LHX9: variants seen among roughly 807,000 people sequenced by gnomAD.
The protein encoded by LHX9 is LIM homeobox 9.
Under a neutral mutation model 36.5 loss-of-function variants are expected in LHX9, and 9 were observed. That is an observed-to-expected ratio of 0.25 (90% CI 0.15 to 0.43). The LOEUF is 0.43. Among genes scored for constraint, LHX9 ranks in the 20% least tolerant of loss-of-function variants. The pLI is 1.00. For synonymous variants in LHX9, 211 were observed against 212.1 expected, an observed-to-expected ratio of 0.99 and a Z score of 0.04; for missense variants, 464 against 526.4, an observed-to-expected ratio of 0.88 and a Z score of 1.16.
upstream of LHX9, chr1:197,917,248 G>A: frequency 1.6e-6 from 2 of 1,214,816 alleles, no homozygotes. Flanking sequence ...AGAGGAGTAT[G>A]ACAGGTCTTT....
chr1:197,927,890 A>G (rs1368304440), intron 4 of LHX9, 97 bp downstream of exon 4: 2 of 1,115,884 alleles, frequency 1.8e-6, no homozygotes, highest in South Asian at 1.4e-5. Context: ...GATATTTCCT[A>G]TATTGCTTCT....
intron 3 of LHX9, among the ~76,000 whole-genome samples, chr1:197,926,470 A>T (rs1355680788): frequency 6.6e-6 from 1 of 152,224 alleles, no homozygotes; most frequent in South Asian, 2.1e-4. Flanking sequence ...TAAATATTTC[A>T]CAAAATGTTT....
rs1248006949 is a variant in LHX9, at chr1:197,933,414, C to A, written c.*4155C>A. 1 of 151,986 alleles carries A rather than the reference C, an allele frequency of 6.6e-6. No homozygotes were observed. The highest frequency in any genetic ancestry group is 1.5e-5 in the Non-Finnish European group (1 of 67,950). The allele number at this position is 151,986 out of a possible 1,614,324, so 9.4% of individuals were successfully genotyped here. ...TGACAAGTAGACTATTTTGAGTGATCACAAATCATGCTGGTTTTGTCAGTA... is the reference window on the plus strand; with the variant it reads ...TGACAAGTAGACTATTTTGAGTGATAACAAATCATGCTGGTTTTGTCAGTA... On this transcript the variant is annotated 3_prime_UTR_variant, in exon 5 of 5. Transcript: ENST00000367387.
rs1180559375 is a variant in LHX9, at chr1:197,930,568, G to C, written c.*1309G>C. ...ATGTCTTGCTTTAGTGGATTGTTAA[G>C]AATAACTTTGCACATATTTTCCACT... On this transcript the variant is annotated 3_prime_UTR_variant, in exon 5 of 5. Transcript: ENST00000367387. 2 of 151,988 alleles carry C rather than the reference G, an allele frequency of 1.3e-5. No homozygotes were observed. The highest frequency in any genetic ancestry group is 4.8e-5 in the African/African-American group (2 of 41,422). The allele number at this position is 151,988 out of a possible 1,614,324, so 9.4% of individuals were successfully genotyped here. A position where few individuals can be genotyped will look rare whatever the true frequency, so the allele number is the denominator to read the frequency against.
At position 197,924,914 on chromosome 1, in the gene LHX9, TGGGGGAATCCCC is replaced by T. The variant is rs1660100382; in HGVS notation, c.734-2676_734-2665del. On this transcript the variant is annotated intron_variant, in intron 3 of 4. Coordinates refer to ENST00000367387, the MANE Select transcript of LHX9 (RefSeq NM_020204.3). ...TCATTTCATCTCATAATTCGGGGAG[TGGGGGAATCCCC>T]TACAGCTTTAGCAATAGGCCTTGGA... 1.6e-4 allele frequency among the ~76,000 whole-genome samples: 7 copies of T among 43,734 alleles called. 2 individuals carry two copies. Among genetic ancestry groups the T allele is most frequent in the Non-Finnish European group, 2.1e-4 (5 of 23,958 alleles). The allele number at this position is 43,734 out of a possible 152,430, so 28.7% of individuals were successfully genotyped here.
rs1659817349 is a variant in LHX9, at chr1:197,917,760, G to A, written c.-64G>A. On this transcript the variant is annotated 5_prime_UTR_variant, in exon 1 of 5. Coordinates refer to ENST00000367387, the MANE Select transcript of LHX9 (RefSeq NM_020204.3). ...CTCGAGCGTCTCTGCGCTCCTACAG[G>A]GCAGCCCTCTCTGGTCCCTTGCCTC... 6 of 1,612,510 alleles carry A rather than the reference G, an allele frequency of 3.7e-6. No individual in the cohort carries two copies. Among genetic ancestry groups the A allele is most frequent in the South Asian group, 3.3e-5 (3 of 90,864 alleles).
Position 197,933,919 on chromosome 1 carries a change from C to T in LHX9, c.*4660C>T, listed in dbSNP as rs1250763948. On this transcript the variant is annotated 3_prime_UTR_variant, in exon 5 of 5. Coordinates refer to ENST00000367387, the MANE Select transcript of LHX9 (RefSeq NM_020204.3). ...GTGTGGAATAGAAAAATGTGGACCT[C>T]TTAGTTGAGAGCAGGACACTAAATT... 6.6e-6 allele frequency: 1 copy of T among 152,078 alleles called. No individual in the cohort carries two copies. The highest frequency in any genetic ancestry group is 1.5e-5 in the Non-Finnish European group (1 of 68,016). The allele number at this position is 152,078 out of a possible 1,614,324, so 9.4% of individuals were successfully genotyped here.
At chr1:197,925,270 T>C (rs1374981113) in intron 3 of LHX9, among the ~76,000 whole-genome samples, 1 of 152,244 alleles carries the variant, frequency 6.6e-6, no homozygotes, top group Non-Finnish European at 1.5e-5. Flanking sequence ...CATTAAATCT[T>C]ACTACAATTA....
In LHX9 at chr1:197,917,939, G is replaced by T. The variant is rs759241758; in HGVS notation, c.116G>T (p.Arg39Leu). The T allele has an allele frequency of 1.2e-6, 2 of 1,614,058 alleles. No homozygotes were observed. Among genetic ancestry groups the T allele is most frequent in the Admixed American group, 1.7e-5 (1 of 60,012 alleles). The part of the protein sequence containing the change: ...HIQGIMEEME[R>L]RSKTEARLAK... ...CAAGGCATCATGGAGGAGATGGAGCGCAGATCCAAGACTGAGGCCCGTCTG... is the reference window on the plus strand; with the variant it reads ...CAAGGCATCATGGAGGAGATGGAGCTCAGATCCAAGACTGAGGCCCGTCTG... Residue 39 changes from arginine to leucine, a missense_variant, in exon 1 of 5, where the codon CGC (arginine) becomes CTC (leucine). Coordinates refer to ENST00000367387, the MANE Select transcript of LHX9 (RefSeq NM_020204.3).
chr1:197,912,700 G>T (rs191703943), upstream of LHX9: 59 of 862,812 alleles, frequency 6.8e-5, no homozygotes, highest in Admixed American at 1.0e-3. Flanking sequence ...ATTAAACCGC[G>T]CTTCGTAGGC....
upstream of LHX9, chr1:197,916,870 C>G (rs1659774721): frequency 1.5e-6 from 1 of 675,642 alleles, no homozygotes; most frequent in African/African-American, 1.8e-5. Flanking sequence ...CATTTCTGCT[C>G]AATATTTATG....
chr1:197,927,800 C>A lies in LHX9; in HGVS notation c.936+7C>A. ...GACCAAAAGAGTTTTGCAGGTAAGACACATGCATCATTGACTGTGCATACA... is the reference window on the plus strand; with the variant it reads ...GACCAAAAGAGTTTTGCAGGTAAGAAACATGCATCATTGACTGTGCATACA... On this transcript the variant is annotated splice_region_variant and intron_variant, in intron 4 of 4. Transcript: ENST00000367387. 1 of 1,611,300 alleles carries A rather than the reference C, an allele frequency of 6.2e-7. No individual in the cohort carries two copies. The highest frequency in any genetic ancestry group is 8.5e-7 in the Non-Finnish European group (1 of 1,177,426).
upstream of LHX9, among the ~76,000 whole-genome samples, chr1:197,914,359 C>T (rs539427162): frequency 2.6e-5 from 4 of 151,834 alleles, no homozygotes; most frequent in Non-Finnish European, 5.9e-5. Flanking sequence ...TTTTATGGAA[C>T]ACTTGCGGGC....
In LHX9 at chr1:197,921,494, C is replaced by G; in HGVS notation, c.568C>G (p.Leu190Val). The change falls in exon 3 of 5, where the codon CTC becomes GTC. Residue 190 changes from leucine to valine, a missense_variant. By Grantham distance (32) the Leu-to-Val change is conservative. Transcript: ENST00000367387. This position sits in a 1 kb window ranked among gnomAD's most constrained non-coding sequence, Gnocchi z 4.6. ...GTACTGCCGCGCCCACTTCGAGACC[C>G]TCTTGCAAGGAGAGTATCCACCGCA... is the stretch of plus-strand genomic sequence containing the variant. ...LVYCRAHFET[L>V]LQGEYPPQLS... 1 of 1,614,240 alleles carries G rather than the reference C, an allele frequency of 6.2e-7. No individual in the cohort carries two copies. The highest frequency in any genetic ancestry group is 8.5e-7 in the Non-Finnish European group (1 of 1,180,056).
chr1:197,921,000 A>G lies in LHX9; in HGVS notation c.378-304A>G, dbSNP rs888284959. ...GGCAATTTAATATTCTAGTACCGTGAGTTAGCTAGTGCTAACTAGTGGTTT... is the reference window on the plus strand; with the variant it reads ...GGCAATTTAATATTCTAGTACCGTGGGTTAGCTAGTGCTAACTAGTGGTTT... On this transcript the variant is annotated intron_variant, in intron 2 of 4. Transcript: ENST00000367387. Among the ~76,000 whole-genome samples the G allele has an allele frequency of 3.3e-5, 5 of 152,278 alleles. No homozygotes were observed. In the East Asian group the frequency reaches 9.7e-4, roughly 29 times the overall value.
At chr1:197,915,510 C>T (rs1034028747), upstream of LHX9, among the ~76,000 whole-genome samples, 1 of 152,214 alleles carries the variant, frequency 6.6e-6, no homozygotes, top group East Asian at 1.9e-4. Flanking sequence ...CAGTAAATAG[C>T]AGCCCTGCTG....
At chr1:197,916,894 A>T (rs1014646256), upstream of LHX9, 5 of 640,966 alleles carry the variant, frequency 7.8e-6, no homozygotes, top group Admixed American at 1.2e-4. Context: ...TTCGGGTGAC[A>T]GTCCTGCAGG....
At chr1:197,919,846 T>C (rs1659911536) in intron 1 of LHX9, 126 bp from the exon 2 acceptor site, 1 of 843,228 alleles carries the variant, frequency 1.2e-6, no homozygotes, top group Non-Finnish European at 1.9e-6. Flanking sequence ...TTTGCCTTTG[T>C]GCAGTGGACC....
chr1:197,929,110 G>T lies in LHX9; in HGVS notation c.1045G>T (p.Asp349Tyr), dbSNP rs1660242237. 1 of 1,613,736 alleles carries T rather than the reference G, an allele frequency of 6.2e-7. No homozygotes were observed. The highest frequency in any genetic ancestry group is 8.5e-7 in the Non-Finnish European group (1 of 1,179,916). ...GTSLPAPPSADSGALTPPGTA... is the reference protein window; with the variant it reads ...GTSLPAPPSAYSGALTPPGTA... ...GTCGCTTCCGGCCCCGCCCTCAGCA[G>T]ACAGCGGAGCTCTCACTCCACCCGG... The change falls in exon 5 of 5, where the codon GAC (aspartate) becomes TAC (tyrosine). Residue 349 changes from aspartate (D) to tyrosine (Y), a missense_variant. Asp to Tyr is a radical substitution (Grantham distance 160). Transcript: ENST00000367387.
Sources: gnomAD v4.1 joint callset for allele counts (sites outside exome capture counted in the v4.1 genomes callset) on GRCh38, gnomAD v4.1.1 for gene constraint, Gnocchi (gnomAD v3.1) non-coding constraint, MANE v1.5 for transcripts, NCBI Gene and HGNC (gene_info 2026-07-23, HGNC 2026-07-21) for gene names.